Variants in ZFHX4 observed in about 807,000 individuals in gnomAD.
ZFHX4 encodes the protein zinc finger homeobox protein 4.
ZFHX4 carries 56 observed loss-of-function variants against 267.6 expected under a neutral mutation model. The observed-to-expected ratio is 0.21, with a 90% CI of 0.17 to 0.26. ZFHX4 has a LOEUF of 0.26. ZFHX4 is among the 10% of genes least tolerant of loss of function. The probability of loss-of-function intolerance (pLI) is 1.00; values close to 1 mark genes in which losing one functional copy is unlikely to be tolerated. For missense variants in ZFHX4, 4,332 were observed against 4,420.0 expected, an observed-to-expected ratio of 0.98 and a Z score of 0.56; for synonymous variants, 1,778 against 1,665.6, an observed-to-expected ratio of 1.07 and a Z score of -1.64.
chr8:76,832,522 T>A (rs986973462), intron 4 of ZFHX4, among the ~76,000 whole-genome samples: 8 of 152,186 alleles, frequency 5.3e-5, no homozygotes, highest in South Asian at 2.1e-4. Context: ...ATTTGAGGCA[T>A]ATAGACTATT....
At chr8:76,779,702 T>C (rs925733509) in intron 4 of ZFHX4, among the ~76,000 whole-genome samples, 4 of 152,180 alleles carry the variant, frequency 2.6e-5, no homozygotes, top group Non-Finnish European at 5.9e-5. Flanking sequence ...CATTTCTTTT[T>C]TTCCCCCTCT....
Position 76,854,622 on chromosome 8 carries a change from C to G in ZFHX4, c.7701C>G (p.His2567Gln). Residue 2567 changes from histidine (H) to glutamine (Q), a missense_variant, in exon 10 of 11, where the codon CAC (histidine) becomes CAG (glutamine). By Grantham distance (24) the His-to-Gln change is conservative. This residue lies in a region of ZFHX4 where 1,648 missense variants were observed against 1,625.0 expected (regional missense o/e 1.01). Transcript: ENST00000651372. ...TGCCCCCTCAGGCCAGTTCCTCCCA[C>G]ACCACAGCCCCCACAACGGTTGCTG... ...TQMPPQASSS[H>Q]TTAPTTVAAS... The G allele has an allele frequency of 6.2e-7, 1 of 1,613,762 alleles. No homozygotes were observed. Among genetic ancestry groups the G allele is most frequent in the Non-Finnish European group, 8.5e-7 (1 of 1,179,866 alleles).
intron 3 of ZFHX4, among the ~76,000 whole-genome samples, chr8:76,731,509 G>A (rs981620372): frequency 7.2e-5 from 11 of 152,146 alleles, no homozygotes; most frequent in African/African-American, 2.2e-4. Flanking sequence ...ACTGTGATGC[G>A]ATGCAGCTAT....
intron 4 of ZFHX4, among the ~76,000 whole-genome samples, chr8:76,794,973 T>C (rs1458948065): frequency 6.6e-6 from 1 of 151,918 alleles, no homozygotes; most frequent in East Asian, 1.9e-4. Flanking sequence ...AATCAAGTTG[T>C]CTCTGGGCCA....
chr8:76,784,049 A>G (rs554587387), intron 4 of ZFHX4, among the ~76,000 whole-genome samples: 1 of 152,036 alleles, frequency 6.6e-6, no homozygotes, highest in Admixed American at 6.6e-5. Context: ...TATAATATTT[A>G]TGTTATTGTC....
intron 1 of ZFHX4, among the ~76,000 whole-genome samples, chr8:76,692,868 A>G (rs2131586089): frequency 6.6e-6 from 1 of 152,312 alleles, no homozygotes; most frequent in East Asian, 1.9e-4. Context: ...AACACTTGTT[A>G]AAGTACTTCT....
intron 4 of ZFHX4, among the ~76,000 whole-genome samples, chr8:76,802,659 A>G (rs1811144189): frequency 6.6e-6 from 1 of 152,158 alleles, no homozygotes; most frequent in South Asian, 2.1e-4. Context: ...CTTAGAAAAT[A>G]TGACTTTACA....
intron 3 of ZFHX4, among the ~76,000 whole-genome samples, chr8:76,740,634 T>C (rs1809291203): frequency 6.6e-6 from 1 of 152,138 alleles, no homozygotes; most frequent in African/African-American, 2.4e-5. Context: ...AAGATTTTTC[T>C]GAAATAAAAT....
intron 3 of ZFHX4, among the ~76,000 whole-genome samples, chr8:76,712,205 A>G (rs972927788): frequency 2.6e-5 from 4 of 152,170 alleles, no homozygotes; most frequent in Non-Finnish European, 4.4e-5. Context: ...CTTTTAGTGT[A>G]ACATTCCCCC....
chr8:76,682,463 G>GA (rs1213355354), intron 1 of ZFHX4: 5 of 152,476 alleles, frequency 3.3e-5, no homozygotes, highest in African/African-American at 1.2e-4. Flanking sequence ...GCACTACCGA[G>GA]GGCTGCTCTC....
At chr8:76,796,335 G>C (rs1307040662) in intron 4 of ZFHX4, among the ~76,000 whole-genome samples, 2 of 152,090 alleles carry the variant, frequency 1.3e-5, no homozygotes, top group Admixed American at 6.6e-5. Context: ...AGAATATGTA[G>C]AGATAGATGC....
Position 76,706,139 on chromosome 8 carries a change from C to G in ZFHX4, c.2051C>G (p.Pro684Arg), listed in dbSNP as rs1808262404. ...TATTGTAAGACTGGACAGCCTCACC[C>G]CAGGCTTGCCCGGGGTGAGAGTTAC... is the stretch of plus-strand genomic sequence containing the variant. ...CVYCKTGQPH[P>R]RLARGESYTC... Residue 684 changes from proline to arginine, a missense_variant, in exon 2 of 11, where the codon CCC becomes CGC. Pro to Arg is a moderately radical substitution (Grantham distance 103). Coordinates refer to ENST00000651372, the MANE Select transcript of ZFHX4 (RefSeq NM_024721.5). 2 of 1,613,780 alleles carry G rather than the reference C, an allele frequency of 1.2e-6. No individual in the cohort carries two copies. The highest frequency in any genetic ancestry group is 2.7e-5 in the African/African-American group (2 of 74,886).
chr8:76,718,467 G>A (rs553878412), intron 3 of ZFHX4, among the ~76,000 whole-genome samples: 21 of 152,110 alleles, frequency 1.4e-4, no homozygotes, highest in East Asian at 3.9e-4. Flanking sequence ...TAAAAAACCC[G>A]CACATTTGGA....
At chr8:76,697,108 G>A (rs1286678867) in intron 1 of ZFHX4, among the ~76,000 whole-genome samples, 2 of 151,838 alleles carry the variant, frequency 1.3e-5, no homozygotes, top group Non-Finnish European at 2.9e-5. Context: ...TAGTTATAGT[G>A]GTTATGAGAT....
At chr8:76,715,617 G>C (rs895642172) in intron 3 of ZFHX4, among the ~76,000 whole-genome samples, 4 of 151,334 alleles carry the variant, frequency 2.6e-5, no homozygotes, top group African/African-American at 9.7e-5. Flanking sequence ...TTACAATAAG[G>C]TCAATGAAAG....
Position 76,849,076 on chromosome 8 carries a change from T to C in ZFHX4, c.3593T>C (p.Val1198Ala). The C allele has an allele frequency of 6.4e-7, 1 of 1,569,864 alleles. No homozygotes were observed. Among genetic ancestry groups the C allele is most frequent in the Non-Finnish European group, 8.6e-7 (1 of 1,156,954 alleles). ...QPLLLAKEED[V>A]ATKRSKPTED... ...CTCCTGCTGGCAAAAGAAGAGGATG[T>C]TGCAACAAAAAGGTCAAAACCTACA... is the stretch of plus-strand genomic sequence containing the variant. Residue 1198 changes from valine (V) to alanine (A), a missense_variant, in exon 7 of 11, where the codon GTT becomes GCT. By Grantham distance (64) the Val-to-Ala change is moderately conservative. Transcript: ENST00000651372.
chr8:76,836,220 T>G (rs1271179451), intron 5 of ZFHX4, among the ~76,000 whole-genome samples: 3 of 152,104 alleles, frequency 2.0e-5, no homozygotes, highest in Admixed American at 6.6e-5. Flanking sequence ...AAAGGAAGTG[T>G]TAAAGAGGTG....
intron 5 of ZFHX4, among the ~76,000 whole-genome samples, chr8:76,835,223 ATATATATATATATATATG>A (rs1252320314): frequency 4.0e-5 from 4 of 99,072 alleles, no homozygotes; most frequent in Admixed American, 9.4e-5. Context: ...ATATATGTAT[ATATATATATATATATATG>A]TATATATATA....
At chr8:76,856,485 A>C in intron 10 of ZFHX4, 185 bp downstream of exon 10, 1 of 683,674 alleles carries the variant, frequency 1.5e-6, no homozygotes, top group Non-Finnish European at 2.5e-6. Context: ...CCTGAAACAC[A>C]CACAGAAAAA....
Sources: allele counts gnomAD v4.1 joint callset (sites outside exome capture counted in the v4.1 genomes callset), GRCh38; gene constraint gnomAD v4.1.1; regional missense constraint gnomAD v4.1.1; transcripts MANE v1.5; gene names NCBI Gene and HGNC (gene_info 2026-07-23, HGNC 2026-07-21).